Variants in TMEM132D observed in about 807,000 individuals in gnomAD.
TMEM132D encodes mature OL transmembrane protein.
A neutral mutation model predicts 62.3 loss-of-function variants in TMEM132D; 21 were observed. That is an observed-to-expected ratio of 0.34 (90% CI 0.24 to 0.49). The LOEUF (loss-of-function observed/expected upper bound fraction) is 0.49. Among genes scored for constraint, TMEM132D ranks in the 20% least tolerant of loss-of-function variants. The pLI is 0.99. For synonymous variants in TMEM132D, 621 were observed against 575.6 expected (o/e 1.08, Z -1.13); for missense variants, 1,346 against 1,402.8 (o/e 0.96, Z 0.65).
chr12:129,380,262 A>G (rs1374256000), intron 3 of TMEM132D, among the ~76,000 whole-genome samples: 4 of 152,238 alleles, frequency 2.6e-5, no homozygotes, highest in Admixed American at 6.5e-5. Context: ...TTCACTTAGC[A>G]GGCAAACGTC....
chr12:129,506,814 C>G (rs1157171814), intron 3 of TMEM132D, among the ~76,000 whole-genome samples: 1 of 152,184 alleles, frequency 6.6e-6, no homozygotes, highest in Non-Finnish European at 1.5e-5. Context: ...GATTTCATGA[C>G]TAAGAACCCA....
chr12:129,865,998 G>A (rs77420239), intron 1 of TMEM132D, among the ~76,000 whole-genome samples: 2,010 of 152,236 alleles, frequency 0.013, 36 homozygotes, highest in African/African-American at 0.045. Context: ...ACATCGTTAA[G>A]TTTGGTGTTT....
intron 1 of TMEM132D, among the ~76,000 whole-genome samples, chr12:129,770,072 C>T (rs1473559611): frequency 6.6e-6 from 1 of 151,326 alleles, no homozygotes; most frequent in East Asian, 1.9e-4. Context: ...CTCCCACTTC[C>T]CAAAATGCTA....
chr12:129,431,260 C>T (rs1242218703), intron 3 of TMEM132D, among the ~76,000 whole-genome samples: 1 of 152,208 alleles, frequency 6.6e-6, no homozygotes, highest in African/African-American at 2.4e-5. Context: ...AGCAGCTAAG[C>T]CTGGAGTCTG....
At chr12:129,863,540 A>C (rs1873964260) in intron 1 of TMEM132D, among the ~76,000 whole-genome samples, 1 of 152,200 alleles carries the variant, frequency 6.6e-6, no homozygotes, top group South Asian at 2.1e-4. Context: ...ACTTTGCTAA[A>C]GCAGGCCTTA....
At chr12:129,557,699 G>C (rs78400236) in intron 2 of TMEM132D, among the ~76,000 whole-genome samples, 3,182 of 152,258 alleles carry the variant, frequency 0.021, 93 homozygotes, top group African/African-American at 0.072. Flanking sequence ...CTGAGAAACA[G>C]AGCAAGACCT....
At position 129,596,399 on chromosome 12, in the gene TMEM132D, T is replaced by C. The variant is rs1387768305; in HGVS notation, c.969-65194A>G. ...GTGTATACATATACATGAATATACA[T>C]GTATACTCGTATATAATCAGATGTA... is the stretch of plus-strand genomic sequence containing the variant. On this transcript the variant is annotated intron_variant, in intron 2 of 8. Coordinates refer to ENST00000422113, the MANE Select transcript of TMEM132D (RefSeq NM_133448.3). 2.0e-5 allele frequency among the ~76,000 whole-genome samples: 3 copies of C among 152,132 alleles called. No homozygotes were observed. The South Asian group carries it at 6.2e-4, about 32-fold the overall frequency.
In TMEM132D at chr12:129,244,477, T is replaced by C. The variant is rs886390995; in HGVS notation, c.1300-34814A>G. The stretch of plus-strand genomic sequence containing the variant: ...GCAAACTTCTTGCTCCTACGGTGCA[T>C]AGACAATGCTTACGCTATGGCTAGA... On this transcript the variant is annotated intron_variant, in intron 4 of 8. Transcript: ENST00000422113. 5.0e-5 allele frequency among the ~76,000 whole-genome samples: 7 copies of C among 140,828 alleles called. No homozygotes were observed. In the East Asian group the frequency reaches 5.8e-4, roughly 12 times the overall value. The allele number at this position is 140,828 out of a possible 152,430, so 92.4% of individuals were successfully genotyped here. A position where few individuals can be genotyped will look rare whatever the true frequency, so the allele number is the denominator to read the frequency against.
At chr12:129,402,026 G>A (rs987323258) in intron 3 of TMEM132D, among the ~76,000 whole-genome samples, 14 of 152,200 alleles carry the variant, frequency 9.2e-5, no homozygotes, top group African/African-American at 2.9e-4. Context: ...GCCTGGCTAC[G>A]AGGGCTGCAT....
chr12:129,828,069 C>T (rs1292745734), intron 1 of TMEM132D, among the ~76,000 whole-genome samples: 1 of 152,110 alleles, frequency 6.6e-6, no homozygotes, highest in Non-Finnish European at 1.5e-5. Flanking sequence ...ATAACTTATT[C>T]TTTTACTGCA....
At chr12:129,579,079 T>C (rs1236182216) in intron 2 of TMEM132D, among the ~76,000 whole-genome samples, 1 of 152,224 alleles carries the variant, frequency 6.6e-6, no homozygotes, top group Non-Finnish European at 1.5e-5. Context: ...GTGTTAAATA[T>C]TTGTTGAAAT....
chr12:129,640,978 G>C (rs1879627997), intron 2 of TMEM132D, among the ~76,000 whole-genome samples: 1 of 152,102 alleles, frequency 6.6e-6, no homozygotes, highest in African/African-American at 2.4e-5. Context: ...ATCACCCTCA[G>C]ATGGGACCAT....
intron 2 of TMEM132D, among the ~76,000 whole-genome samples, chr12:129,669,547 A>G (rs1469994120): frequency 2.0e-5 from 3 of 152,086 alleles, no homozygotes; most frequent in Non-Finnish European, 2.9e-5. Flanking sequence ...TCTACTAAAA[A>G]TACAAAATTT....
intron 2 of TMEM132D, among the ~76,000 whole-genome samples, chr12:129,593,965 CCT>C (rs1402527245): frequency 2.0e-5 from 3 of 152,242 alleles, no homozygotes; most frequent in East Asian, 3.9e-4. Context: ...TAGGCAACCC[CCT>C]GTTATGTATC....
chr12:129,311,027 T>A (rs1881960964), intron 4 of TMEM132D, among the ~76,000 whole-genome samples: 1 of 138,804 alleles, frequency 7.2e-6, no homozygotes, highest in Non-Finnish European at 1.5e-5. Flanking sequence ...TGAAACCCCG[T>A]CTCTACTAAA....
At chr12:129,643,430 T>C (rs1350715371) in intron 2 of TMEM132D, among the ~76,000 whole-genome samples, 2 of 152,226 alleles carry the variant, frequency 1.3e-5, no homozygotes, top group Admixed American at 6.5e-5. Flanking sequence ...ATATGTTCTC[T>C]GGCTGCGTTC....
intron 4 of TMEM132D, among the ~76,000 whole-genome samples, chr12:129,291,359 T>G (rs1333757522): frequency 6.6e-6 from 1 of 152,206 alleles, no homozygotes; most frequent in African/African-American, 2.4e-5. Flanking sequence ...TTTACTAGGC[T>G]TTCTTAAAGA....
At chr12:129,513,831 T>TA (rs1555262118) in intron 3 of TMEM132D, among the ~76,000 whole-genome samples, 1 of 137,262 alleles carries the variant, frequency 7.3e-6, no homozygotes, top group Admixed American at 7.6e-5. Context: ...TTTATTTATT[T>TA]ATTTATTTAT....
At chr12:129,877,165 T>A (rs1005212496) in intron 1 of TMEM132D, among the ~76,000 whole-genome samples, 5 of 148,304 alleles carry the variant, frequency 3.4e-5, no homozygotes, top group Non-Finnish European at 7.4e-5. Context: ...TAACTATGAA[T>A]ATTATATTTA....
Sources: gnomAD v4.1 joint callset for allele counts (sites outside exome capture counted in the v4.1 genomes callset) on GRCh38, gnomAD v4.1.1 for gene constraint, MANE v1.5 for transcripts, NCBI Gene and HGNC (gene_info 2026-07-23, HGNC 2026-07-21) for gene names.